FGF12: variants seen among roughly 807,000 people sequenced by gnomAD.
The protein encoded by FGF12 is fibroblast growth factor 12, also known as fibroblast growth factor 12B.
A neutral mutation model predicts 23.6 loss-of-function variants in FGF12; 14 were observed. The ratio of observed to expected loss-of-function variants is 0.59; its 90% confidence interval spans 0.39 to 0.93. The LOEUF (loss-of-function observed/expected upper bound fraction) is 0.93, where lower values mean the gene tolerates loss of function less well. Ranked by LOEUF, FGF12 falls within the 40% of genes least tolerant of loss-of-function variation. FGF12 has a pLI of 0.00. For missense variants in FGF12, 175 were observed against 217.8 expected (o/e 0.80, Z 1.24); for synonymous variants, 62 against 77.3 (o/e 0.80, Z 1.04).
intron 4 of FGF12, chr3:192,282,784 T>C (rs1462521249): frequency 2.0e-5 from 3 of 152,140 alleles, no homozygotes; most frequent in Non-Finnish European, 4.4e-5. Flanking sequence ...AAGAAGTTCA[T>C]TCTTTTGAAT....
At chr3:192,688,224 C>A (rs1378061908) in intron 2 of FGF12, among the ~76,000 whole-genome samples, 1 of 151,952 alleles carries the variant, frequency 6.6e-6, no homozygotes, top group African/African-American at 2.4e-5. Context: ...GTCATGGACC[C>A]CCAGCTTTCT....
chr3:192,483,404 G>A (rs934392165), intron 2 of FGF12, among the ~76,000 whole-genome samples: 5 of 151,838 alleles, frequency 3.3e-5, no homozygotes, highest in East Asian at 1.9e-4. Flanking sequence ...AAATGAAAAC[G>A]TATTATACAA....
In FGF12 at chr3:192,390,118, T is replaced by C. The variant is rs1720229517; in HGVS notation, c.14-29580A>G. Among the ~76,000 whole-genome samples, 3 of 152,218 alleles carry C rather than the reference T, an allele frequency of 2.0e-5. No homozygotes were observed. In the South Asian group the frequency reaches 6.2e-4, roughly 32 times the overall value. The stretch of plus-strand genomic sequence containing the variant: ...GCACACTATGTGAAAAATATCAAAA[T>C]GGAGGGATGTGGGAAAGCCCTTTTG... On this transcript the variant is annotated intron_variant, in intron 2 of 5. Coordinates refer to ENST00000445105, the MANE Select transcript of FGF12 (RefSeq NM_004113.6).
At chr3:192,406,773 C>G (rs1009440744) in intron 2 of FGF12, among the ~76,000 whole-genome samples, 4 of 152,098 alleles carry the variant, frequency 2.6e-5, no homozygotes, top group Non-Finnish European at 5.9e-5. Flanking sequence ...AAGGCTTAAC[C>G]CCAAATTTCT....
intron 2 of FGF12, among the ~76,000 whole-genome samples, chr3:192,592,590 C>T (rs1337203222): frequency 6.6e-6 from 1 of 151,906 alleles, no homozygotes; most frequent in Non-Finnish European, 1.5e-5. Flanking sequence ...CCAAGCTCCT[C>T]GCCCAGTTGT....
intron 2 of FGF12, among the ~76,000 whole-genome samples, chr3:192,670,637 T>C (rs1216457300): frequency 6.6e-6 from 1 of 152,144 alleles, no homozygotes; most frequent in East Asian, 1.9e-4. Flanking sequence ...GCACAATAAA[T>C]AGACCAGTGT....
chr3:192,710,821 A>G (rs560550094), intron 2 of FGF12, among the ~76,000 whole-genome samples: 20 of 152,216 alleles, frequency 1.3e-4, no homozygotes, highest in Non-Finnish European at 2.6e-4. Flanking sequence ...CACACTGAAA[A>G]TCAGGAGATT....
intron 4 of FGF12, among the ~76,000 whole-genome samples, chr3:192,232,258 T>C (rs1252767304): frequency 6.6e-6 from 1 of 152,172 alleles, no homozygotes; most frequent in Non-Finnish European, 1.5e-5. Flanking sequence ...CAGGTCATTT[T>C]CTTTCCTTTC....
At chr3:192,648,697 G>A (rs1006146928) in intron 2 of FGF12, among the ~76,000 whole-genome samples, 4 of 152,008 alleles carry the variant, frequency 2.6e-5, no homozygotes, top group East Asian at 3.9e-4. Flanking sequence ...CAAAATTTAC[G>A]CAAAATATGA....
intron 4 of FGF12, among the ~76,000 whole-genome samples, chr3:192,285,294 A>G (rs1437400632): frequency 2.0e-5 from 3 of 152,030 alleles, no homozygotes; most frequent in African/African-American, 7.2e-5. Context: ...CCATAACCAC[A>G]TTATTTCTAA....
chr3:192,718,420 T>C lies in FGF12; in HGVS notation c.13+8761A>G, dbSNP rs186874477. On this transcript the variant is annotated intron_variant, in intron 2 of 5. Transcript: ENST00000445105. ...GCTGATCATAAATCTTTAAACAGAATGTATCCACTGTAGTTCCTATATAAA... is the reference window on the plus strand; with the variant it reads ...GCTGATCATAAATCTTTAAACAGAACGTATCCACTGTAGTTCCTATATAAA... Among the ~76,000 whole-genome samples the C allele has an allele frequency of 3.9e-5, 6 of 152,224 alleles. No homozygotes were observed. In the East Asian group the frequency reaches 1.2e-3, roughly 29 times the overall value.
At position 192,408,059 on chromosome 3, in the gene FGF12, G is replaced by T; in HGVS notation, c.14-47521C>A. 6.2e-7 allele frequency: 1 copy of T among 1,612,640 alleles called. No homozygotes were observed. On this transcript the variant is annotated intron_variant, in intron 2 of 5. Transcript: ENST00000445105. The surrounding 1 kb of genome is among the most constrained non-coding windows in gnomAD (Gnocchi z 7.3). ...GCCTCACCGGCCTCTTGCGGCCGCT[G>T]CAGAAGCGCACTTTGCTGAACACCC...
chr3:192,318,905 T>G (rs992946425), intron 4 of FGF12, among the ~76,000 whole-genome samples: 2 of 152,052 alleles, frequency 1.3e-5, no homozygotes, highest in East Asian at 3.9e-4. Context: ...GACTTCTCAG[T>G]GGAAACTTTA....
At chr3:192,429,291 A>C (rs1181392310) in intron 2 of FGF12, among the ~76,000 whole-genome samples, 2 of 152,112 alleles carry the variant, frequency 1.3e-5, no homozygotes, top group Non-Finnish European at 2.9e-5. Context: ...CTGGCTTGTG[A>C]AGGATCACTC....
At chr3:192,399,680 G>A (rs1720675753) in intron 2 of FGF12, among the ~76,000 whole-genome samples, 1 of 152,214 alleles carries the variant, frequency 6.6e-6, no homozygotes, top group South Asian at 2.1e-4. Context: ...GACTTTCTAG[G>A]TGTTTGGCAT....
intron 4 of FGF12, among the ~76,000 whole-genome samples, chr3:192,232,664 T>C (rs1410546420): frequency 6.6e-6 from 1 of 152,090 alleles, no homozygotes; most frequent in East Asian, 1.9e-4. Context: ...AGTGGCATAG[T>C]ACTTGATAGG....
chr3:192,252,229 G>T (rs1712062132), intron 4 of FGF12, among the ~76,000 whole-genome samples: 1 of 151,962 alleles, frequency 6.6e-6, no homozygotes, highest in Non-Finnish European at 1.5e-5. Context: ...GGGAGGCCAA[G>T]ATGGGCAGAT....
intron 2 of FGF12, among the ~76,000 whole-genome samples, chr3:192,387,119 C>T (rs1720078957): frequency 6.6e-6 from 1 of 152,174 alleles, no homozygotes; most frequent in Non-Finnish European, 1.5e-5. Flanking sequence ...TGTCTCACTG[C>T]ACTGCAAATC....
At chr3:192,219,978 C>CATTG in intron 4 of FGF12, among the ~76,000 whole-genome samples, 1 of 152,284 alleles carries the variant, frequency 6.6e-6, no homozygotes, top group East Asian at 1.9e-4. Flanking sequence ...AAGCTTCAGG[C>CATTG]ATTGTTTTCT....
Sources: gnomAD v4.1 joint callset for allele counts (sites outside exome capture counted in the v4.1 genomes callset) on GRCh38, gnomAD v4.1.1 for gene constraint, Gnocchi (gnomAD v3.1) non-coding constraint, MANE v1.5 for transcripts, NCBI Gene and HGNC (gene_info 2026-07-23, HGNC 2026-07-21) for gene names.